The following PTPRD variants were observed in gnomAD, a reference collection of about 807,000 sequenced individuals.
The protein encoded by PTPRD is receptor-type tyrosine-protein phosphatase delta.
Under a neutral mutation model 214.5 loss-of-function variants are expected in PTPRD, and 34 were observed. That is an observed-to-expected ratio of 0.16 (90% CI 0.12 to 0.21). The LOEUF (loss-of-function observed/expected upper bound fraction) is 0.21. PTPRD is among the 10% of genes least tolerant of loss of function. PTPRD has a pLI of 1.00. For missense variants in PTPRD, 2,545 were observed against 2,398.7 expected (o/e 1.06, Z -1.27); for synonymous variants, 1,128 against 845.7 (o/e 1.33, Z -5.79).
chr9:8,316,068 T>G lies in PTPRD; in HGVS notation c.*1806A>C. 1 of 229,348 alleles carries G rather than the reference T, an allele frequency of 4.4e-6. No homozygotes were observed. Among genetic ancestry groups the G allele is most frequent in the East Asian group, 6.2e-5 (1 of 16,040 alleles). The allele number at this position is 229,348 out of a possible 1,614,324, so 14.2% of individuals were successfully genotyped here. ...AGTTACTGCATGTTCCAGAGCGGATTTGGAAGGGAATATAAATAAAACAAG... is the reference window on the plus strand; with the variant it reads ...AGTTACTGCATGTTCCAGAGCGGATGTGGAAGGGAATATAAATAAAACAAG... On this transcript the variant is annotated 3_prime_UTR_variant, in exon 46 of 46. Transcript: ENST00000381196.
At chr9:8,446,705 A>C (rs920669264) in intron 34 of PTPRD, among the ~76,000 whole-genome samples, 7 of 152,242 alleles carry the variant, frequency 4.6e-5, no homozygotes, top group Admixed American at 3.9e-4. Context: ...TAGATATATT[A>C]AAAAGCCACA....
rs796561372 is a variant in PTPRD, at chr9:8,785,588, C to T, written c.-103-51642G>A. ...AAGACCATCAGCTAGGCTGTGGCTA[C>T]CAGCTACAACTCCTCAGTCAAAGCC... On this transcript the variant is annotated intron_variant, in intron 11 of 45. Transcript: ENST00000381196. Among the ~76,000 whole-genome samples, 81 of 152,320 alleles carry T rather than the reference C, an allele frequency of 5.3e-4. 2 individuals are homozygous for T. Among genetic ancestry groups the T allele is most frequent in the African/African-American group, 1.9e-3 (79 of 41,562 alleles).
intron 9 of PTPRD, among the ~76,000 whole-genome samples, chr9:9,248,505 G>C (rs1594519633): frequency 6.6e-6 from 1 of 152,068 alleles, no homozygotes; most frequent in Non-Finnish European, 1.5e-5. Flanking sequence ...GCAACATTTA[G>C]TAAGCAATGG....
At chr9:10,342,552 GGT>G (rs556156613) in intron 2 of PTPRD, among the ~76,000 whole-genome samples, 125 of 151,988 alleles carry the variant, frequency 8.2e-4, no homozygotes, top group African/African-American at 2.9e-3. Context: ...GATATTTCAT[GGT>G]AAATTATTTG....
intron 3 of PTPRD, among the ~76,000 whole-genome samples, chr9:10,297,178 C>T (rs1223182138): frequency 6.7e-6 from 1 of 149,820 alleles, no homozygotes; most frequent in Non-Finnish European, 1.5e-5. Context: ...GCACCATGTG[C>T]AGGTTTGTTA....
intron 2 of PTPRD, among the ~76,000 whole-genome samples, chr9:10,541,493 TAA>T (rs2059097821): frequency 6.6e-6 from 1 of 152,050 alleles, no homozygotes; most frequent in Admixed American, 6.6e-5. Context: ...TAAAAAATCA[TAA>T]GTTTATGCAG....
In PTPRD at chr9:8,341,195, C is replaced by A. The variant is rs755582635; in HGVS notation, c.5021G>T (p.Arg1674Leu). The change falls in exon 41 of 46, where the codon CGC becomes CTC. Residue 1674 changes from arginine (R) to leucine (L), a missense_variant. By Grantham distance (102) the Arg-to-Leu change is moderately radical (BLOSUM62 -2). Coordinates refer to ENST00000381196, the MANE Select transcript of PTPRD (RefSeq NM_002839.4). ...ANLPCNKFKN[R>L]LVNIMPYEST... is the part of the protein sequence containing the mutation. ...TTCATATGGCATAATATTAACAAGGCGATTTTTGAATTTATTACATGGAAG... is the reference window on the plus strand; with the variant it reads ...TTCATATGGCATAATATTAACAAGGAGATTTTTGAATTTATTACATGGAAG... The A allele has an allele frequency of 5.6e-6, 9 of 1,612,122 alleles. No individual in the cohort carries two copies. Among genetic ancestry groups the A allele is most frequent in the Non-Finnish European group, 7.6e-6 (9 of 1,179,272 alleles).
At chr9:8,560,497 G>A (rs1301230066) in intron 14 of PTPRD, among the ~76,000 whole-genome samples, 1 of 149,436 alleles carries the variant, frequency 6.7e-6, no homozygotes, top group Non-Finnish European at 1.5e-5. Context: ...TCATTGTCAA[G>A]GCTCTTTCAT....
At chr9:8,570,145 C>T (rs1225231314) in intron 14 of PTPRD, among the ~76,000 whole-genome samples, 1 of 151,962 alleles carries the variant, frequency 6.6e-6, no homozygotes, top group East Asian at 1.9e-4. Context: ...GGGTTGAGAC[C>T]ACATAATTTG....
intron 7 of PTPRD, among the ~76,000 whole-genome samples, chr9:9,699,321 TATGTCA>T (rs2097445290): frequency 6.6e-6 from 1 of 152,170 alleles, no homozygotes; most frequent in Non-Finnish European, 1.5e-5. Flanking sequence ...CTTTTCATAT[TATGTCA>T]AAATTACTAA....
At chr9:8,745,505 T>C (rs2092693519) in intron 11 of PTPRD, among the ~76,000 whole-genome samples, 1 of 152,182 alleles carries the variant, frequency 6.6e-6, no homozygotes, top group Non-Finnish European at 1.5e-5. Context: ...TATTTGGCAG[T>C]CACTGTCCTA....
At chr9:10,165,699 A>T (rs1417369371) in intron 3 of PTPRD, among the ~76,000 whole-genome samples, 3 of 151,664 alleles carry the variant, frequency 2.0e-5, no homozygotes, top group Non-Finnish European at 4.4e-5. Flanking sequence ...AAAATAATGG[A>T]GGACAAATTT....
chr9:9,978,332 G>A (rs1246037006), intron 4 of PTPRD, among the ~76,000 whole-genome samples: 1 of 151,798 alleles, frequency 6.6e-6, no homozygotes. Flanking sequence ...TAAAAGATGG[G>A]GAACTTTAGC....
At chr9:9,048,292 T>A (rs1257954589) in intron 10 of PTPRD, among the ~76,000 whole-genome samples, 2 of 152,304 alleles carry the variant, frequency 1.3e-5, no homozygotes, top group South Asian at 2.1e-4. Context: ...CCAGCAATCC[T>A]GCTGCTGGGG....
chr9:8,496,388 T>G, intron 26 of PTPRD, among the ~76,000 whole-genome samples: 1 of 152,212 alleles, frequency 6.6e-6, no homozygotes, highest in East Asian at 1.9e-4. Flanking sequence ...GCCATATATT[T>G]TGCTGCGTTC....
intron 7 of PTPRD, among the ~76,000 whole-genome samples, chr9:9,675,535 T>C (rs2096912719): frequency 6.6e-6 from 1 of 151,842 alleles, no homozygotes; most frequent in Admixed American, 6.6e-5. Context: ...AAATACTTAG[T>C]ACTGCATTTT....
chr9:9,002,859 C>T lies in PTPRD; in HGVS notation c.-104+15838G>A, dbSNP rs995551669. 1.2e-4 allele frequency among the ~76,000 whole-genome samples: 18 copies of T among 152,078 alleles called. 1 individual carries two copies. Among genetic ancestry groups the T allele is most frequent in the African/African-American group, 2.4e-4 (10 of 41,432 alleles). ...AGTAAGGGTCACCACAATGTACCAA[C>T]GCTTCCTTGTGCTATCTCCCTCCTT... On this transcript the variant is annotated intron_variant, in intron 11 of 45. Coordinates refer to ENST00000381196, the MANE Select transcript of PTPRD (RefSeq NM_002839.4).
At chr9:8,341,473 T>C (rs538914873) in intron 40 of PTPRD, among the ~76,000 whole-genome samples, 4 of 152,114 alleles carry the variant, frequency 2.6e-5, no homozygotes, top group Admixed American at 2.0e-4. Context: ...TCTGAAAGTA[T>C]AGTCTCTCAA....
chr9:9,652,456 G>C (rs1173501694), intron 7 of PTPRD, among the ~76,000 whole-genome samples: 2 of 152,244 alleles, frequency 1.3e-5, no homozygotes, highest in Middle Eastern at 3.4e-3. Context: ...TAGAGTTCTT[G>C]ATATCACCAA....
Sources: allele counts gnomAD v4.1 joint callset (sites outside exome capture counted in the v4.1 genomes callset), GRCh38; gene constraint gnomAD v4.1.1; transcripts MANE v1.5; gene names NCBI Gene and HGNC (gene_info 2026-07-23, HGNC 2026-07-21).